The following CYP2A13 variants were observed in gnomAD, a reference collection of about 807,000 sequenced individuals.
The protein encoded by CYP2A13 is cytochrome P450 2A13.
Under a neutral mutation model 39.4 loss-of-function variants are expected in CYP2A13, and 30 were observed. The ratio of observed to expected loss-of-function variants is 0.76; its 90% confidence interval spans 0.57 to 1.03. CYP2A13 has a LOEUF of 1.03. Ranked by LOEUF, CYP2A13 falls within the 50% of genes least tolerant of loss-of-function variation. The probability of loss-of-function intolerance (pLI) is 0.00; values close to 1 mark genes in which losing one functional copy is unlikely to be tolerated. For synonymous variants in CYP2A13, 269 were observed against 254.7 expected (o/e 1.06, Z -0.54); for missense variants, 731 against 648.4 (o/e 1.13, Z -1.38).
Position 41,093,692 on chromosome 19 carries a change from CTTCTT to C in CYP2A13, c.896_900del (p.Phe299CysfsTer4). 6.2e-7 allele frequency: 1 copy of C among 1,614,132 alleles called. No homozygotes were observed. Among genetic ancestry groups the C allele is most frequent in the Non-Finnish European group, 8.5e-7 (1 of 1,180,028 alleles). On this transcript the variant is annotated frameshift_variant, in exon 6 of 9. Transcript: ENST00000330436. LOFTEE classifies it high-confidence loss of function. ...ACCTGGTGATGACCACCCTGAACCT[CTTCTT>C]TGCGGGCACTGAGACCGTGAGCACC...
intron 2 of CYP2A13, among the ~76,000 whole-genome samples, chr19:41,089,826 CT>C: frequency 1.1e-5 from 1 of 93,910 alleles, no homozygotes; most frequent in East Asian, 2.8e-4. Flanking sequence ...CTCTCTCTCT[CT>C]CTCTCTCTCT....
In CYP2A13 at chr19:41,095,991, C is replaced by CG. The variant is rs1382025655; in HGVS notation, c.*54dup. ...TGGTGGGCGGGGCCAGGGAAACGGC[C>CG]GGGGCAGGGGCGGGGCTTGTGGGAG... is the stretch of plus-strand genomic sequence containing the variant. On this transcript the variant is annotated 3_prime_UTR_variant, in exon 9 of 9. Coordinates refer to ENST00000330436, the MANE Select transcript of CYP2A13 (RefSeq NM_000766.5). 5 of 538,030 alleles carry CG rather than the reference C, an allele frequency of 9.3e-6. No individual in the cohort carries two copies. In the African/African-American group the frequency reaches 1.1e-4, roughly 11 times the overall value. 33.3% of individuals were successfully genotyped at this position (538,030 alleles called of 1,614,324 possible).
chr19:41,095,268 C>CA (rs1444980606), intron 8 of CYP2A13, among the ~76,000 whole-genome samples, 168 bp downstream of exon 8: 1 of 152,128 alleles, frequency 6.6e-6, no homozygotes, highest in Admixed American at 6.6e-5. Context: ...GCCAAGCACC[C>CA]AATACCTGCG....
chr19:41,094,526 C>A, intron 7 of CYP2A13, 94 bp downstream of exon 7: 1 of 1,393,628 alleles, frequency 7.2e-7, no homozygotes, highest in Non-Finnish European at 1.0e-6. Context: ...GTGTTCTAGA[C>A]TCTGTCCCAC....
chr19:41,091,693 A>G (rs1282816534), intron 4 of CYP2A13, 39 bp from the exon 5 acceptor site: 1 of 1,608,912 alleles, frequency 6.2e-7, no homozygotes, highest in East Asian at 2.2e-5. Flanking sequence ...GCCCCGTGAC[A>G]GCTGTCCTTC....
At chr19:41,088,835 T>C (rs2031098621) in intron 1 of CYP2A13, 94 bp from the exon 2 acceptor site, 3 of 1,562,542 alleles carry the variant, frequency 1.9e-6, no homozygotes, top group Non-Finnish European at 2.6e-6. Flanking sequence ...TGTGAGAACC[T>C]GGGGGCGAAG....
intron 1 of CYP2A13, 40 bp from the exon 2 acceptor site, chr19:41,088,889 G>A (rs1273002634): frequency 8.1e-6 from 13 of 1,610,112 alleles, no homozygotes; most frequent in Non-Finnish European, 1.1e-5. Flanking sequence ...ATTCAGAGTG[G>A]GGGCTGCTCC....
rs770616744 is a variant in CYP2A13 at position 41,093,736 on chromosome 19, G to C, written c.938G>C (p.Gly313Ala). 56 of 1,614,044 alleles carry C rather than the reference G, an allele frequency of 3.5e-5. No homozygotes were observed. The highest frequency in any genetic ancestry group is 1.7e-4 in the Middle Eastern group (1 of 6,060). Reference protein sequence around the residue: ...TETVSTTLRYGFLLLMKHPEV... With the variant: ...TETVSTTLRYAFLLLMKHPEV... ...ACCGTGAGCACCACCCTGCGCTACG[G>C]TTTCCTGCTGCTCATGAAGCACCCA... Residue 313 changes from glycine (G) to alanine (A), a missense_variant, in exon 6 of 9, where the codon GGT (glycine) becomes GCT (alanine). Gly to Ala is a moderately conservative substitution (Grantham distance 60). Transcript: ENST00000330436.
At chr19:41,089,679 T>TC (rs1491284590) in intron 2 of CYP2A13, among the ~76,000 whole-genome samples, 169 of 151,426 alleles carry the variant, frequency 1.1e-3, no homozygotes, top group African/African-American at 3.2e-3. Flanking sequence ...CCTCCCTCCA[T>TC]CTCTCTCTTT....
chr19:41,091,532 T>C (rs537787287), intron 4 of CYP2A13, among the ~76,000 whole-genome samples, 200 bp from the exon 5 acceptor site: 6 of 152,186 alleles, frequency 3.9e-5, no homozygotes, highest in Non-Finnish European at 7.3e-5. Flanking sequence ...CTCACCTAAA[T>C]TACTAGACCG....
chr19:41,091,633 A>G, intron 4 of CYP2A13, 99 bp from the exon 5 acceptor site: 1 of 1,535,768 alleles, frequency 6.5e-7, no homozygotes, highest in Non-Finnish European at 8.8e-7. Context: ...GATGCCTTTA[A>G]CTCCGTTCCT....
At chr19:41,090,259 A>G in intron 3 of CYP2A13, 63 bp downstream of exon 3, 1 of 1,557,552 alleles carries the variant, frequency 6.4e-7, no homozygotes, top group Non-Finnish European at 8.7e-7. Flanking sequence ...GATGGGGACT[A>G]GGTGGGGAAA....
At chr19:41,093,325 T>A (rs533356859) in intron 5 of CYP2A13, among the ~76,000 whole-genome samples, 1 of 151,554 alleles carries the variant, frequency 6.6e-6, no homozygotes, top group South Asian at 2.1e-4. Flanking sequence ...ACCCAGGAGT[T>A]GGAGTCCAGC....
Position 41,091,881 on chromosome 19 carries a change from C to A in CYP2A13, c.804C>A (p.Ile268=). The change falls in exon 5 of 9, where the codon ATC becomes ATA. Residue 268 remains isoleucine, a synonymous_variant. Coordinates refer to ENST00000330436, the MANE Select transcript of CYP2A13 (RefSeq NM_000766.5). ...TLDPNSPRDF[I]DSFLIRMQEE... ...ATCCCAATTCCCCACGGGACTTCAT[C>A]GACTCCTTTCTCATCCGCATGCAGG... 6.2e-7 allele frequency: 1 copy of A among 1,614,230 alleles called. No homozygotes were observed. Among genetic ancestry groups the A allele is most frequent in the East Asian group, 2.2e-5 (1 of 44,886 alleles).
chr19:41,089,158 C>A (rs1355081700), intron 2 of CYP2A13, 67 bp downstream of exon 2: 2 of 1,597,634 alleles, frequency 1.3e-6, no homozygotes, highest in East Asian at 2.2e-5. Flanking sequence ...CCCCAGCCTT[C>A]TCCCTGACTC....
rs3745280 is a variant in CYP2A13, at chr19:41,088,867, A to G, written c.181-62A>G. 2.6e-3 allele frequency: 4,096 copies of G among 1,585,542 alleles called. 64 individuals are homozygous for G. The African/African-American group carries it at 0.032, about 12-fold the overall frequency. On this transcript the variant is annotated intron_variant, in intron 1 of 8. Transcript: ENST00000330436. ...GAAGCATCCCAGTACATGATATCTC[A>G]GTGCTGGGCCCATTCAGAGTGGGGG...
rs770438556 is a variant in CYP2A13 at position 41,095,889 on chromosome 19, T to G, written c.1433T>G (p.Val478Gly). 6.2e-7 allele frequency: 1 copy of G among 1,613,586 alleles called. No homozygotes were observed. The stretch of plus-strand genomic sequence containing the variant: ...GATATCGACGTGTCCCCCAAACACG[T>G]GGGCTTTGCCACGATCCCACGAAAC... ...PKDIDVSPKHVGFATIPRNYT... is the reference protein window; with the variant it reads ...PKDIDVSPKHGGFATIPRNYT... Residue 478 changes from valine to glycine, a missense_variant, in exon 9 of 9, where the codon GTG becomes GGG. Physicochemically the swap from Val to Gly is moderately radical, Grantham distance 109. Transcript: ENST00000330436.
chr19:41,093,806 A>G (rs747198369), intron 6 of CYP2A13, 35 bp downstream of exon 6: 17 of 1,608,866 alleles, frequency 1.1e-5, no homozygotes, highest in Non-Finnish European at 1.4e-5. Flanking sequence ...GAAGGGCCCC[A>G]GACCCTCAAA....
intron 2 of CYP2A13, 133 bp downstream of exon 2, chr19:41,089,224 C>G: frequency 6.8e-7 from 1 of 1,475,294 alleles, no homozygotes; most frequent in East Asian, 2.4e-5. Flanking sequence ...CTCCCCATCT[C>G]CCTTCATCGT....
Sources: allele counts gnomAD v4.1 joint callset (sites outside exome capture counted in the v4.1 genomes callset), GRCh38; gene constraint gnomAD v4.1.1; transcripts MANE v1.5; gene names NCBI Gene and HGNC (gene_info 2026-07-23, HGNC 2026-07-21).